SLC32A1: variants seen among roughly 807,000 people sequenced by gnomAD.
SLC32A1 encodes the protein solute carrier family 32 member 1, also known as vesicular inhibitory amino acid transporter.
In SLC32A1, 8 loss-of-function variants were observed where a neutral mutation model predicts 35.5. That is an observed-to-expected ratio of 0.23 (90% CI 0.13 to 0.41). SLC32A1 has a LOEUF of 0.41. Ranked by LOEUF, SLC32A1 falls within the 10% of genes least tolerant of loss-of-function variation. The pLI is 1.00. For missense variants in SLC32A1, 493 were observed against 722.3 expected (o/e 0.68, Z 3.64); for synonymous variants, 317 against 326.3 (o/e 0.97, Z 0.31).
At position 38,726,724 on chromosome 20, in the gene SLC32A1, C is replaced by G. The variant is rs1267113574; in HGVS notation, c.391-728C>G. Among the ~76,000 whole-genome samples the G allele has an allele frequency of 6.6e-6, 1 of 152,108 alleles. No homozygotes were observed. The highest frequency in any genetic ancestry group is 1.5e-5 in the Non-Finnish European group (1 of 68,018). ...AGGTCTCGCCCTCGCCTCACTCTAACTCCAGCCTTGTCCTAAGACTCTCAA... is the reference window on the plus strand; with the variant it reads ...AGGTCTCGCCCTCGCCTCACTCTAAGTCCAGCCTTGTCCTAAGACTCTCAA... On this transcript the variant is annotated intron_variant, in intron 1 of 1. Transcript: ENST00000217420. This position sits in a 1 kb window ranked among gnomAD's most constrained non-coding sequence, Gnocchi z 4.7.
intron 1 of SLC32A1, 67 bp from the exon 2 acceptor site, chr20:38,727,385 C>G: frequency 6.7e-7 from 1 of 1,488,864 alleles, no homozygotes; most frequent in East Asian, 2.3e-5. Flanking sequence ...AAGCCACGCC[C>G]CCCGGGCCCC....
rs754192010 is a variant in SLC32A1, at chr20:38,728,304, C to A, written c.1243C>A (p.Arg415Ser). The change falls in exon 2 of 2, where the codon CGC becomes AGC. Residue 415 changes from arginine to serine, a missense_variant. Arg to Ser is a moderately radical substitution (Grantham distance 110, BLOSUM62 -1). Coordinates refer to ENST00000217420, the MANE Select transcript of SLC32A1 (RefSeq NM_080552.3). Reference sequence around the variant, plus strand: ...GAAGTCGCTCTTCCAGGAAGGCAGCCGCGCCTTTTTCCCGGCCTGCTACAG... The same window carrying A: ...GAAGTCGCTCTTCCAGGAAGGCAGCAGCGCCTTTTTCCCGGCCTGCTACAG... ...LEKSLFQEGSRAFFPACYSGD... is the reference protein window; with the variant it reads ...LEKSLFQEGSSAFFPACYSGD... 2 of 1,613,716 alleles carry A rather than the reference C, an allele frequency of 1.2e-6. No homozygotes were observed. The highest frequency in any genetic ancestry group is 2.7e-5 in the African/African-American group (2 of 75,074).
In SLC32A1 at chr20:38,727,771, C is replaced by T; in HGVS notation, c.710C>T (p.Pro237Leu). Reference sequence around the variant, plus strand: ...ATGTACAACAGCTTCCCGGGGCTGCCCGTGTCGCAGAAGTCCTGGTCCATT... The same window carrying T: ...ATGTACAACAGCTTCCCGGGGCTGCTCGTGTCGCAGAAGTCCTGGTCCATT... ...NLMYNSFPGL[P>L]VSQKSWSIIA... The change falls in exon 2 of 2, where the codon CCC (proline) becomes CTC (leucine). Residue 237 changes from proline (P) to leucine (L), a missense_variant. By Grantham distance (98) the Pro-to-Leu change is moderately conservative (BLOSUM62 -3). Transcript: ENST00000217420. 1 of 1,614,202 alleles carries T rather than the reference C, an allele frequency of 6.2e-7. No homozygotes were observed. Among genetic ancestry groups the T allele is most frequent in the East Asian group, 2.2e-5 (1 of 44,870 alleles).
At chr20:38,727,386 C>G in intron 1 of SLC32A1, 66 bp from the exon 2 acceptor site, 1 of 1,497,266 alleles carries the variant, frequency 6.7e-7, no homozygotes, top group Non-Finnish European at 9.1e-7. Context: ...AGCCACGCCC[C>G]CCGGGCCCCT....
rs557271437 is a variant in SLC32A1 at position 38,726,998 on chromosome 20, C to T, written c.391-454C>T. Among the ~76,000 whole-genome samples, 1 of 152,306 alleles carries T rather than the reference C, an allele frequency of 6.6e-6. No individual in the cohort carries two copies. Among genetic ancestry groups the T allele is most frequent in the South Asian group, 2.1e-4 (1 of 4,826 alleles). On this transcript the variant is annotated intron_variant, in intron 1 of 1. Coordinates refer to ENST00000217420, the MANE Select transcript of SLC32A1 (RefSeq NM_080552.3). The surrounding 1 kb of genome is among the most constrained non-coding windows in gnomAD (Gnocchi z 4.7). ...ACAAATCCCGTGCCCACTCTTTCCA[C>T]TGGCCCAGGCCCAGCTCACTACCTT...
intron 1 of SLC32A1, 64 bp from the exon 2 acceptor site, chr20:38,727,388 C>A: frequency 6.7e-7 from 1 of 1,499,564 alleles, no homozygotes; most frequent in Non-Finnish European, 9.1e-7. Flanking sequence ...CCACGCCCCC[C>A]GGGCCCCTCA....
At chr20:38,727,328 A>C (rs1281530961) in intron 1 of SLC32A1, 124 bp from the exon 2 acceptor site, 11 of 890,380 alleles carry the variant, frequency 1.2e-5, no homozygotes, top group Non-Finnish European at 1.9e-5. Flanking sequence ...CCGGCGGCTC[A>C]GACCCAATTC....
rs1368925816 is a variant in SLC32A1 at position 38,728,273 on chromosome 20, G to T, written c.1212G>T (p.Val404=). Residue 404 remains valine (V), a synonymous_variant, in exon 2 of 2, where the codon GTG becomes GTT. Coordinates refer to ENST00000217420, the MANE Select transcript of SLC32A1 (RefSeq NM_080552.3). ...YPLPFFAAVE[V]LEKSLFQEGS... Reference sequence around the variant, plus strand: ...TGCCATTCTTTGCCGCTGTCGAGGTGCTGGAGAAGTCGCTCTTCCAGGAAG... The same window carrying T: ...TGCCATTCTTTGCCGCTGTCGAGGTTCTGGAGAAGTCGCTCTTCCAGGAAG... The T allele has an allele frequency of 1.9e-6, 3 of 1,613,814 alleles. No homozygotes were observed. Among genetic ancestry groups the T allele is most frequent in the Non-Finnish European group, 2.5e-6 (3 of 1,179,746 alleles).
rs2084282889 is a variant in SLC32A1 at position 38,727,746 on chromosome 20, A to G, written c.685A>G (p.Met229Val). The G allele has an allele frequency of 1.2e-6, 2 of 1,614,170 alleles. No individual in the cohort carries two copies. The highest frequency in any genetic ancestry group is 2.2e-5 in the East Asian group (1 of 44,874). The change falls in exon 2 of 2, where the codon ATG (methionine) becomes GTG (valine). Residue 229 changes from methionine (M) to valine (V), a missense_variant. Around this residue, in one of 4 missense-constraint regions of SLC32A1, gnomAD observed 269 missense variants for 445.6 expected, o/e 0.60. Transcript: ENST00000217420. Reference sequence around the variant, plus strand: ...GTACGTGGTGGTGAGTGGCAACCTCATGTACAACAGCTTCCCGGGGCTGCC... The same window carrying G: ...GTACGTGGTGGTGAGTGGCAACCTCGTGTACAACAGCTTCCCGGGGCTGCC... ...ILYVVVSGNL[M>V]YNSFPGLPVS...
At position 38,726,053 on chromosome 20, in the gene SLC32A1, C is replaced by G. The variant is rs1344152305; in HGVS notation, c.390+939C>G. On this transcript the variant is annotated intron_variant, in intron 1 of 1. Transcript: ENST00000217420. This position sits in a 1 kb window ranked among gnomAD's most constrained non-coding sequence, Gnocchi z 4.7. ...CTAGGCCCTCTCCCCTTATTCCTAACCCCCCACTCCCCACCAGGCGGCGCA... is the reference window on the plus strand; with the variant it reads ...CTAGGCCCTCTCCCCTTATTCCTAAGCCCCCACTCCCCACCAGGCGGCGCA... Among the ~76,000 whole-genome samples the G allele has an allele frequency of 6.6e-6, 1 of 152,298 alleles. No homozygotes were observed. The highest frequency in any genetic ancestry group is 2.1e-4 in the South Asian group (1 of 4,824).
chr20:38,728,617 A>G lies in SLC32A1; in HGVS notation c.1556A>G (p.Tyr519Cys). The G allele has an allele frequency of 6.2e-7, 1 of 1,608,422 alleles. No individual in the cohort carries two copies. The highest frequency in any genetic ancestry group is 8.5e-7 in the Non-Finnish European group (1 of 1,177,958). ...TCCCTCGAGGGCCTCATCGAAGCCT[A>G]CCGAACCAACGCGGAGGACTAGGGC... ...VHSLEGLIEA[Y>C]RTNAED The change falls in exon 2 of 2, where the codon TAC (tyrosine) becomes TGC (cysteine). Residue 519 changes from tyrosine to cysteine, a missense_variant. By Grantham distance (194) the Tyr-to-Cys change is radical (BLOSUM62 -2). Around this residue, in one of 4 missense-constraint regions of SLC32A1, gnomAD observed 269 missense variants for 445.6 expected, o/e 0.60. Coordinates refer to ENST00000217420, the MANE Select transcript of SLC32A1 (RefSeq NM_080552.3).
At position 38,727,437 on chromosome 20, in the gene SLC32A1, C is replaced by G; in HGVS notation, c.391-15C>G. Reference sequence around the variant, plus strand: ...TCGCTGAGCGTCCGCGTCTGGTTGCCTCTCCGCCCCACAGGGCATGTTCGT... The same window carrying G: ...TCGCTGAGCGTCCGCGTCTGGTTGCGTCTCCGCCCCACAGGGCATGTTCGT... On this transcript the variant is annotated splice_polypyrimidine_tract_variant and intron_variant, in intron 1 of 1. Transcript: ENST00000217420. The G allele has an allele frequency of 6.3e-7, 1 of 1,599,428 alleles. No individual in the cohort carries two copies. Among genetic ancestry groups the G allele is most frequent in the Non-Finnish European group, 8.5e-7 (1 of 1,173,200 alleles).
chr20:38,727,417 G>A lies in SLC32A1; in HGVS notation c.391-35G>A, dbSNP rs767907360. 10 of 1,589,224 alleles carry A rather than the reference G, an allele frequency of 6.3e-6. No homozygotes were observed. In the Admixed American group the frequency reaches 1.3e-4, roughly 21 times the overall value. ...CCCCTCATCCGTTGCCAAGTTCGCTGAGCGTCCGCGTCTGGTTGCCTCTCC... is the reference window on the plus strand; with the variant it reads ...CCCCTCATCCGTTGCCAAGTTCGCTAAGCGTCCGCGTCTGGTTGCCTCTCC... On this transcript the variant is annotated intron_variant, in intron 1 of 1. Coordinates refer to ENST00000217420, the MANE Select transcript of SLC32A1 (RefSeq NM_080552.3).
In SLC32A1 at chr20:38,727,462, T is replaced by C; in HGVS notation, c.401T>C (p.Val134Ala). Reference sequence around the variant, plus strand: ...CTCTCCGCCCCACAGGGCATGTTCGTGCTGGGCCTACCCTACGCCATCCTG... The same window carrying C: ...CTCTCCGCCCCACAGGGCATGTTCGCGCTGGGCCTACCCTACGCCATCCTG... ...NVTNAIQGMF[V>A]LGLPYAILHG... is the part of the protein sequence containing the mutation. Residue 134 changes from valine to alanine, a missense_variant, in exon 2 of 2, where the codon GTG becomes GCG. Coordinates refer to ENST00000217420, the MANE Select transcript of SLC32A1 (RefSeq NM_080552.3). 1 of 1,608,124 alleles carries C rather than the reference T, an allele frequency of 6.2e-7. No individual in the cohort carries two copies. Among genetic ancestry groups the C allele is most frequent in the Non-Finnish European group, 8.5e-7 (1 of 1,179,518 alleles).
chr20:38,725,150 C>G (rs536614032), intron 1 of SLC32A1, 36 bp downstream of exon 1: 3 of 1,502,650 alleles, frequency 2.0e-6, no homozygotes, highest in Non-Finnish European at 2.7e-6. Context: ...CTGTCCTCCC[C>G]CCTCCCAGCT....
rs746772713 is a variant in SLC32A1, at chr20:38,727,443, G to A, written c.391-9G>A. ...AGCGTCCGCGTCTGGTTGCCTCTCC[G>A]CCCCACAGGGCATGTTCGTGCTGGG... On this transcript the variant is annotated splice_polypyrimidine_tract_variant and intron_variant, in intron 1 of 1. Transcript: ENST00000217420. 10 of 1,600,436 alleles carry A rather than the reference G, an allele frequency of 6.2e-6. No homozygotes were observed. Among genetic ancestry groups the A allele is most frequent in the African/African-American group, 2.7e-5 (2 of 74,790 alleles).
intron 1 of SLC32A1, 63 bp downstream of exon 1, chr20:38,725,177 GC>G: frequency 3.4e-6 from 5 of 1,488,236 alleles, no homozygotes; most frequent in Non-Finnish European, 3.6e-6. Context: ...GCCGGGCTCT[GC>G]CCCCGACAGT....
chr20:38,727,649 G>C lies in SLC32A1; in HGVS notation c.588G>C (p.Pro196=). 1 of 1,614,110 alleles carries C rather than the reference G, an allele frequency of 6.2e-7. No homozygotes were observed. Among genetic ancestry groups the C allele is most frequent in the Non-Finnish European group, 8.5e-7 (1 of 1,180,040 alleles). The stretch of plus-strand genomic sequence containing the variant: ...CCATAGCCAACGCCTGCTGCGCCCC[G>C]CGCTTCCCAACGCTGGGCGGCCGAG... ...YVAIANACCA[P]RFPTLGGRVV... Residue 196 remains proline, a synonymous_variant, in exon 2 of 2, where the codon CCG becomes CCC. Coordinates refer to ENST00000217420, the MANE Select transcript of SLC32A1 (RefSeq NM_080552.3).
chr20:38,728,516 G>T lies in SLC32A1; in HGVS notation c.1455G>T (p.Leu485=), dbSNP rs1458283496. 13 of 1,613,446 alleles carry T rather than the reference G, an allele frequency of 8.1e-6. No homozygotes were observed. Among genetic ancestry groups the T allele is most frequent in the Non-Finnish European group, 1.0e-5 (12 of 1,179,976 alleles). ...LFHLRLLWRK[L]LWHQVFFDVA... Reference sequence around the variant, plus strand: ...ACCTGCGCCTGCTCTGGCGCAAGCTGCTGTGGCACCAAGTCTTCTTCGACG... The same window carrying T: ...ACCTGCGCCTGCTCTGGCGCAAGCTTCTGTGGCACCAAGTCTTCTTCGACG... The change falls in exon 2 of 2, where the codon CTG becomes CTT. Residue 485 remains leucine, a synonymous_variant. Transcript: ENST00000217420.
Sources: gnomAD v4.1 joint callset for allele counts (sites outside exome capture counted in the v4.1 genomes callset) on GRCh38, gnomAD v4.1.1 for gene constraint, gnomAD v4.1.1 regional missense constraint, Gnocchi (gnomAD v3.1) non-coding constraint, MANE v1.5 for transcripts, NCBI Gene and HGNC (gene_info 2026-07-23, HGNC 2026-07-21) for gene names.